The following RASGRP3 variants were observed in gnomAD, a reference collection of about 807,000 sequenced individuals.
The protein encoded by RASGRP3 is RAS guanyl releasing protein 3.
Under a neutral mutation model 82.7 loss-of-function variants are expected in RASGRP3, and 54 were observed. The observed-to-expected ratio is 0.65, with a 90% confidence interval of 0.52 to 0.82. The LOEUF (loss-of-function observed/expected upper bound fraction) is 0.82, where lower values mean the gene tolerates loss of function less well. Ranked by LOEUF, RASGRP3 falls within the 40% of genes least tolerant of loss-of-function variation. The pLI is 0.00. For missense variants in RASGRP3, 861 were observed against 828.9 expected, an observed-to-expected ratio of 1.04 and a Z score of -0.48; for synonymous variants, 309 against 300.5, an observed-to-expected ratio of 1.03 and a Z score of -0.29.
intron 2 of RASGRP3, among the ~76,000 whole-genome samples, chr2:33,470,716 G>T (rs191863228): frequency 6.6e-6 from 1 of 151,936 alleles, no homozygotes; most frequent in Non-Finnish European, 1.5e-5. Flanking sequence ...AGTTTTTGTG[G>T]GTTATATGGA....
chr2:33,552,070 T>A (rs887087829), intron 14 of RASGRP3, among the ~76,000 whole-genome samples: 2 of 152,226 alleles, frequency 1.3e-5, no homozygotes, highest in Admixed American at 1.3e-4. Flanking sequence ...CTAGTCCTTC[T>A]GTCCTGCCCC....
At chr2:33,460,830 A>G (rs551205168) in intron 2 of RASGRP3, among the ~76,000 whole-genome samples, 1 of 152,166 alleles carries the variant, frequency 6.6e-6, no homozygotes, top group Non-Finnish European at 1.5e-5. Context: ...TAAGTATTTT[A>G]TAACATAAAT....
rs188128286 is a variant in RASGRP3 at position 33,485,243 on chromosome 2, G to A, written c.-261+8536G>A. ...ATGAAAAGGGAAGCCATTCTGTGGA[G>A]GTGAGATTCTGCTGTCCTTGTCATG... On this transcript the variant is annotated intron_variant, in intron 1 of 17. Transcript: ENST00000403687. 1.8e-3 allele frequency among the ~76,000 whole-genome samples: 281 copies of A among 152,314 alleles called. 1 individual carries two copies. The highest frequency in any genetic ancestry group is 6.4e-3 in the African/African-American group (267 of 41,574).
intron 1 of RASGRP3, among the ~76,000 whole-genome samples, chr2:33,446,156 T>C (rs1392700973): frequency 1.3e-5 from 2 of 151,940 alleles, no homozygotes; most frequent in Non-Finnish European, 1.5e-5. Context: ...TTTGTTCGTT[T>C]GTTTGTTTGT....
chr2:33,459,686 T>C lies in RASGRP3; in HGVS notation c.-261+11743T>C, dbSNP rs117093554. Among the ~76,000 whole-genome samples, 686 of 150,204 alleles carry C rather than the reference T, an allele frequency of 4.6e-3. 24 individuals are homozygous for C. In the East Asian group the frequency reaches 0.058, roughly 13 times the overall value. ...GGTGAGGGGACAAGGAGGGCTTCAG[T>C]AGAGTCAGGAAAGTGAAAAATTACA... On this transcript the variant is annotated intron_variant, in intron 2 of 18. Coordinates refer to the RASGRP3 transcript ENST00000402538.
intron 13 of RASGRP3, among the ~76,000 whole-genome samples, chr2:33,544,520 G>GA (rs35492768): frequency 0.36 from 52,997 of 149,028 alleles, 10,415 homozygotes; most frequent in Middle Eastern, 0.55. Flanking sequence ...ATAATGATCT[G>GA]AAAAAAAAAA....
At position 33,525,341 on chromosome 2, in the gene RASGRP3, A is replaced by AATAT. The variant is rs35258741; in HGVS notation, c.807+806_807+809dup. On this transcript the variant is annotated intron_variant, in intron 9 of 17. Coordinates refer to ENST00000403687, the MANE Select transcript of RASGRP3 (RefSeq NM_001139488.2). ...TCAGATTTATAACTGAATTGTCATG[A>AATAT]ATATATATATATATATTAGAAACAG... Among the ~76,000 whole-genome samples, 792 of 149,444 alleles carry AATAT rather than the reference A, an allele frequency of 5.3e-3. 4 individuals are homozygous for AATAT. The highest frequency in any genetic ancestry group is 0.011 in the African/African-American group (444 of 40,608).
chr2:33,556,258 T>TTTTTTTTTTTTTTTTTA, intron 15 of RASGRP3, among the ~76,000 whole-genome samples: 1 of 51,458 alleles, frequency 1.9e-5, no homozygotes, highest in East Asian at 4.7e-4. Flanking sequence ...TTTTTTTTTT[T>TTTTTTTTTTTTTTTTTA]GAGACGGAGT....
At chr2:33,479,068 A>C (rs974738519) in intron 1 of RASGRP3, among the ~76,000 whole-genome samples, 26 of 152,248 alleles carry the variant, frequency 1.7e-4, no homozygotes, top group African/African-American at 6.0e-4. Flanking sequence ...ATTAAAAAAT[A>C]AAAGTGGAAT....
chr2:33,511,275 C>T (rs1670900752), intron 1 of RASGRP3, among the ~76,000 whole-genome samples: 1 of 152,110 alleles, frequency 6.6e-6, no homozygotes, highest in Non-Finnish European at 1.5e-5. Context: ...AAACAACCTG[C>T]TCTAAAATAA....
intron 10 of RASGRP3, 97 bp from the exon 11 acceptor site, chr2:33,534,226 A>T: frequency 1.3e-6 from 1 of 779,520 alleles, no homozygotes; most frequent in Non-Finnish European, 2.2e-6. Flanking sequence ...ATTATTAGAC[A>T]GTGAACTTAA....
Position 33,490,861 on chromosome 2 carries a change from G to A in RASGRP3, c.-261+14154G>A, listed in dbSNP as rs186290467. ...CATCTGGCCTGTTTAGTTCACTGCC[G>A]GATACCCAGGCCCTGGCATAATGTC... On this transcript the variant is annotated intron_variant, in intron 1 of 17. Coordinates refer to ENST00000403687, the MANE Select transcript of RASGRP3 (RefSeq NM_001139488.2). Among the ~76,000 whole-genome samples the A allele has an allele frequency of 5.3e-4, 81 of 152,272 alleles. 1 individual carries two copies. In the East Asian group the frequency reaches 6.6e-3, roughly 12 times the overall value.
chr2:33,481,856 A>T, intron 1 of RASGRP3: 1 of 151,462 alleles, frequency 6.6e-6, no homozygotes, highest in Non-Finnish European at 1.5e-5. Context: ...GGCGTGCACC[A>T]CCACACCCAG....
At chr2:33,469,326 C>T (rs73926669) in intron 2 of RASGRP3, among the ~76,000 whole-genome samples, 1 of 152,054 alleles carries the variant, frequency 6.6e-6, no homozygotes, top group Admixed American at 6.6e-5. Context: ...TGGTTTAAAT[C>T]GTGAACTTTT....
At chr2:33,519,190 A>G (rs915909232) in intron 4 of RASGRP3, among the ~76,000 whole-genome samples, 2 of 152,216 alleles carry the variant, frequency 1.3e-5, no homozygotes, top group African/African-American at 4.8e-5. Context: ...ACCAGGCAAT[A>G]GGAATTTTTC....
At chr2:33,498,695 T>C (rs1669564560) in intron 1 of RASGRP3, among the ~76,000 whole-genome samples, 1 of 152,166 alleles carries the variant, frequency 6.6e-6, no homozygotes, top group Non-Finnish European at 1.5e-5. Flanking sequence ...GCATTCTCCT[T>C]CTTCTCTCTG....
At chr2:33,525,374 T>C (rs1180862451) in intron 9 of RASGRP3, among the ~76,000 whole-genome samples, 14 of 151,756 alleles carry the variant, frequency 9.2e-5, no homozygotes, top group African/African-American at 3.4e-4. Flanking sequence ...CAGTGATCAT[T>C]TTCCAAACTG....
In RASGRP3 at chr2:33,538,334, CT is replaced by C. The variant is rs753796114; in HGVS notation, c.1162-759del. Among the ~76,000 whole-genome samples the C allele has an allele frequency of 5.3e-5, 8 of 151,858 alleles. No homozygotes were observed. The East Asian group carries it at 1.2e-3, about 22-fold the overall frequency. ...CCTGGCCAACATGGTGGAAACCCGTCTCTACTAAAATTACAAAAATTAGCTG... is the reference window on the plus strand; with the variant it reads ...CCTGGCCAACATGGTGGAAACCCGTCCTACTAAAATTACAAAAATTAGCTG... On this transcript the variant is annotated intron_variant, in intron 11 of 17. Transcript: ENST00000403687.
At chr2:33,447,607 T>C (rs1213119830) in intron 1 of RASGRP3, among the ~76,000 whole-genome samples, 1 of 152,090 alleles carries the variant, frequency 6.6e-6, no homozygotes, top group Non-Finnish European at 1.5e-5. Context: ...GGCTAATTTT[T>C]TGTGTTAGTA....
Sources: allele counts gnomAD v4.1 joint callset (sites outside exome capture counted in the v4.1 genomes callset), GRCh38; gene constraint gnomAD v4.1.1; transcripts MANE v1.5; gene names NCBI Gene and HGNC (gene_info 2026-07-23, HGNC 2026-07-21).